USHBP1: variants seen among roughly 807,000 people sequenced by gnomAD.
USHBP1 encodes harmonin-binding protein USHBP1.
In USHBP1, 67 loss-of-function variants were observed where a neutral mutation model predicts 76.2. The ratio of observed to expected loss-of-function variants is 0.88; its 90% CI spans 0.72 to 1.08. The LOEUF is 1.08. Among genes scored for constraint, USHBP1 ranks in the 50% least tolerant of loss-of-function variants. USHBP1 has a pLI of 0.00. For missense variants in USHBP1, 931 were observed against 915.0 expected (o/e 1.02, Z -0.23); for synonymous variants, 322 against 362.2 (o/e 0.89, Z 1.26).
Position 17,264,027 on chromosome 19 carries a change from C to T in USHBP1, c.178G>A (p.Val60Ile), listed in dbSNP as rs2073722463. The change falls in exon 3 of 13, where the codon GTC becomes ATC. Residue 60 changes from valine to isoleucine, a missense_variant. Transcript: ENST00000252597. ...GLEQLGPMEE[V>I]SGQGLGSRTD... ...CTGCTTCCTAGGCCTTGGCCACTGA[C>T]CTCCTCCATGGGGCCCAGCTGCTCC... The T allele has an allele frequency of 1.2e-6, 2 of 1,606,082 alleles. No homozygotes were observed. The highest frequency in any genetic ancestry group is 1.1e-5 in the South Asian group (1 of 89,860).
chr19:17,260,809 A>G (rs1260353717), intron 4 of USHBP1, among the ~76,000 whole-genome samples: 1 of 152,080 alleles, frequency 6.6e-6, no homozygotes, highest in Non-Finnish European at 1.5e-5. Context: ...CCCCCAGCCA[A>G]ACCTGCCTAC....
intron 10 of USHBP1, among the ~76,000 whole-genome samples, chr19:17,255,084 C>T (rs2073601080): frequency 6.6e-6 from 1 of 152,002 alleles, no homozygotes; most frequent in African/African-American, 2.4e-5. Flanking sequence ...CGAGAGCAGC[C>T]TGGCTAACAT....
chr19:17,264,466 A>G (rs1241410992), intron 1 of USHBP1, 119 bp from the exon 2 acceptor site: 90 of 798,762 alleles, frequency 1.1e-4, no homozygotes, highest in Non-Finnish European at 2.7e-5. Flanking sequence ...TTTGTTATCA[A>G]TGTTGATTGG....
At position 17,251,929 on chromosome 19, in the gene USHBP1, A is replaced by G. The variant is rs753887466; in HGVS notation, c.1781T>C (p.Leu594Pro). The change falls in exon 11 of 13, where the codon CTG becomes CCG. Residue 594 changes from leucine to proline, a missense_variant. Coordinates refer to ENST00000252597, the MANE Select transcript of USHBP1 (RefSeq NM_031941.4). ...AWDPEKLAQE[L>P]AASLTRTLDL... ...CACACACCTGGTGAGCGATGCTGCC[A>G]GTTCCTGGGCTAACTTCTCTGGGTC... 3 of 1,545,748 alleles carry G rather than the reference A, an allele frequency of 1.9e-6. No homozygotes were observed. The highest frequency in any genetic ancestry group is 2.6e-6 in the Non-Finnish European group (3 of 1,146,614).
rs202066017 is a variant in USHBP1 at position 17,264,287 on chromosome 19, C to G, written c.13G>C (p.Ala5Pro). Reference sequence around the variant, plus strand: ...CCTCGCCGGCTTCGGGGCCGCGTGGCCCGGGCACTCATTGCTGTCCAGAAG... The same window carrying G: ...CCTCGCCGGCTTCGGGGCCGCGTGGGCCGGGCACTCATTGCTGTCCAGAAG... MSAR[A>P]TRPRSRRGRH... The change falls in exon 2 of 13, where the codon GCC becomes CCC. Residue 5 changes from alanine (A) to proline (P), a missense_variant. Transcript: ENST00000252597. 6.2e-7 allele frequency: 1 copy of G among 1,612,718 alleles called. No homozygotes were observed. Among genetic ancestry groups the G allele is most frequent in the Non-Finnish European group, 8.5e-7 (1 of 1,179,684 alleles).
chr19:17,258,771 T>C (rs773347346), intron 7 of USHBP1: 2 of 295,504 alleles, frequency 6.8e-6, no homozygotes, highest in Admixed American at 4.6e-5. Context: ...TCTTGCTCTA[T>C]AGGTGCCAGT....
rs2073645382 is a variant in USHBP1, at chr19:17,258,298, C to T, written c.1134G>A (p.Leu378=). The part of the protein sequence containing the change: ...GAGDEAPMSD[L]QAAEKEAWRL... ...TCCATGCTTCCTTTTCAGCTGCTTG[C>T]AGGTCACTCATGGGGGCTTCGTCTC... Residue 378 remains leucine (L), a synonymous_variant, in exon 8 of 13, where the codon CTG becomes CTA. Coordinates refer to ENST00000252597, the MANE Select transcript of USHBP1 (RefSeq NM_031941.4). The T allele has an allele frequency of 6.2e-7, 1 of 1,614,128 alleles. No homozygotes were observed. The highest frequency in any genetic ancestry group is 8.5e-7 in the Non-Finnish European group (1 of 1,180,044).
chr19:17,259,820 C>A, intron 5 of USHBP1, 77 bp downstream of exon 5: 1 of 1,582,422 alleles, frequency 6.3e-7, no homozygotes. Context: ...CTGTTGGATC[C>A]CATGACAAAG....
chr19:17,256,967 T>C (rs913436675), intron 8 of USHBP1, among the ~76,000 whole-genome samples: 3 of 151,520 alleles, frequency 2.0e-5, no homozygotes, highest in Non-Finnish European at 2.9e-5. Flanking sequence ...GGTGGGAGGA[T>C]TGCTTGAAGC....
chr19:17,259,786 T>C (rs1568326668), intron 5 of USHBP1, 54 bp from the exon 6 acceptor site: 1 of 1,580,418 alleles, frequency 6.3e-7, no homozygotes, highest in Non-Finnish European at 8.6e-7. Flanking sequence ...AGCCTGGGAT[T>C]GTAGGCATTT....
rs749560906 is a variant in USHBP1, at chr19:17,249,650, A to G, written c.*575T>C. On this transcript the variant is annotated 3_prime_UTR_variant, in exon 13 of 13. Coordinates refer to ENST00000252597, the MANE Select transcript of USHBP1 (RefSeq NM_031941.4). ...TAGGCACATGCCACCACGCCTGGCT[A>G]ATTTTTGTATTTTTTTGTAGAAATG... 5 of 154,006 alleles carry G rather than the reference A, an allele frequency of 3.2e-5. No homozygotes were observed. The highest frequency in any genetic ancestry group is 7.3e-5 in the African/African-American group (3 of 41,340). The allele number at this position is 154,006 out of a possible 1,614,324, so 9.5% of individuals were successfully genotyped here.
In USHBP1 at chr19:17,249,254, C is replaced by T. The variant is rs1396294177; in HGVS notation, c.*971G>A. 3.3e-5 allele frequency: 5 copies of T among 152,228 alleles called. No individual in the cohort carries two copies. Among genetic ancestry groups the T allele is most frequent in the South Asian group, 2.1e-4 (1 of 4,824 alleles). 9.4% of individuals were successfully genotyped at this position (152,228 alleles called of 1,614,324 possible). On this transcript the variant is annotated 3_prime_UTR_variant, in exon 13 of 13. Transcript: ENST00000252597. Reference sequence around the variant, plus strand: ...CCCGGGCACGATCTTGTTGTTGGCGCGATCTCGGTTCACTGCAACCCCCGC... The same window carrying T: ...CCCGGGCACGATCTTGTTGTTGGCGTGATCTCGGTTCACTGCAACCCCCGC...
At chr19:17,256,820 G>T (rs1371878369) in intron 8 of USHBP1, 100 bp from the exon 9 acceptor site, 1 of 1,515,470 alleles carries the variant, frequency 6.6e-7, no homozygotes, top group African/African-American at 1.4e-5. Context: ...CATCTCACTG[G>T]CCACGATGGA....
At chr19:17,263,202 T>C in intron 3 of USHBP1, 1 of 431,922 alleles carries the variant, frequency 2.3e-6, no homozygotes, top group Non-Finnish European at 4.0e-6. Flanking sequence ...CACGCCTGGC[T>C]AATTTTTGTA....
chr19:17,256,508 T>G lies in USHBP1; in HGVS notation c.1433A>C (p.Glu478Ala). ...CAGGTCCTGCTGAATTTGTGTCTTCTCCAGTCGGGGAAGAGCTGGGCCAGC... is the reference window on the plus strand; with the variant it reads ...CAGGTCCTGCTGAATTTGTGTCTTCGCCAGTCGGGGAAGAGCTGGGCCAGC... ...TQAGPALPRL[E>A]KTQIQQDLVA... The change falls in exon 9 of 13, where the codon GAG becomes GCG. Residue 478 changes from glutamate to alanine, a missense_variant. Glu to Ala is a moderately radical substitution (Grantham distance 107). Coordinates refer to ENST00000252597, the MANE Select transcript of USHBP1 (RefSeq NM_031941.4). 6.2e-7 allele frequency: 1 copy of G among 1,613,802 alleles called. No individual in the cohort carries two copies. The highest frequency in any genetic ancestry group is 1.1e-5 in the South Asian group (1 of 91,082).
chr19:17,251,552 G>A (rs760755039), intron 12 of USHBP1, 30 bp downstream of exon 12: 11 of 1,612,458 alleles, frequency 6.8e-6, no homozygotes, highest in Non-Finnish European at 9.3e-6. Flanking sequence ...ATGGTGCCAG[G>A]GGGATTGGGG....
rs1469810826 is a variant in USHBP1 at position 17,261,448 on chromosome 19, G to C, written c.642+1104C>G. 2.7e-5 allele frequency among the ~76,000 whole-genome samples: 4 copies of C among 147,968 alleles called. No individual in the cohort carries two copies. The Admixed American group carries it at 2.8e-4, about 10-fold the overall frequency. On this transcript the variant is annotated intron_variant, in intron 4 of 12. Transcript: ENST00000252597. ...CCTCCCGGGTTCACGCCATTCTCCT[G>C]CCTCAGCCTCCGGAGTAGCTGGGAC...
intron 12 of USHBP1, 34 bp downstream of exon 12, chr19:17,251,548 C>G: frequency 6.2e-7 from 1 of 1,611,814 alleles, no homozygotes; most frequent in Non-Finnish European, 8.5e-7. Context: ...GGGGATGGTG[C>G]CAGGGGGATT....
intron 8 of USHBP1, among the ~76,000 whole-genome samples, chr19:17,257,812 A>G (rs1240847198): frequency 6.6e-6 from 1 of 151,724 alleles, no homozygotes; most frequent in Non-Finnish European, 1.5e-5. Flanking sequence ...ATGCCCAGCT[A>G]ATTTGTTTGT....
Sources: allele counts gnomAD v4.1 joint callset (sites outside exome capture counted in the v4.1 genomes callset), GRCh38; gene constraint gnomAD v4.1.1; transcripts MANE v1.5; gene names NCBI Gene and HGNC (gene_info 2026-07-23, HGNC 2026-07-21).